The following DCDC1 variants were observed in gnomAD, a reference collection of about 807,000 sequenced individuals.
DCDC1 encodes the protein doublecortin domain-containing protein 1.
DCDC1 carries 200 observed loss-of-function variants against 178.3 expected under a neutral mutation model. That is an observed-to-expected ratio of 1.12 (90% CI 1.00 to 1.26). The LOEUF (loss-of-function observed/expected upper bound fraction) is 1.26. Ranked by LOEUF, DCDC1 falls within the 50% of genes most tolerant of loss-of-function variation. DCDC1 has a pLI of 0.00. For missense variants in DCDC1, 1,983 were observed against 1,749.2 expected (o/e 1.13, Z -2.38); for synonymous variants, 690 against 604.8 (o/e 1.14, Z -2.07).
chr11:31,148,292 A>G (rs1169494102), intron 9 of DCDC1, among the ~76,000 whole-genome samples: 1 of 151,604 alleles, frequency 6.6e-6, no homozygotes, highest in Non-Finnish European at 1.5e-5. Context: ...CACACTTGTA[A>G]TCCCAACAGT....
At chr11:31,079,397 T>C (rs1398704625) in intron 17 of DCDC1, among the ~76,000 whole-genome samples, 4 of 152,198 alleles carry the variant, frequency 2.6e-5, no homozygotes, top group Non-Finnish European at 4.4e-5. Context: ...TCCTTTATCA[T>C]ATCCTTCATA....
chr11:30,875,336 G>A (rs1050977728), intron 38 of DCDC1, among the ~76,000 whole-genome samples: 8 of 152,104 alleles, frequency 5.3e-5, no homozygotes. Flanking sequence ...AGGGGACACG[G>A]GGTTGAGATA....
intron 9 of DCDC1, among the ~76,000 whole-genome samples, chr11:31,163,551 CTACA>C (rs916397693): frequency 2.0e-5 from 3 of 152,046 alleles, no homozygotes; most frequent in Non-Finnish European, 2.9e-5. Context: ...TTCTGCAGAG[CTACA>C]TACTTATGAA....
chr11:31,017,781 A>C (rs528443573), intron 20 of DCDC1, among the ~76,000 whole-genome samples: 1 of 152,044 alleles, frequency 6.6e-6, no homozygotes, highest in East Asian at 1.9e-4. Flanking sequence ...TAGACATGAG[A>C]TCTTACTTAC....
chr11:31,255,830 A>G (rs568146473), intron 8 of DCDC1, among the ~76,000 whole-genome samples: 1 of 152,148 alleles, frequency 6.6e-6, no homozygotes, highest in Non-Finnish European at 1.5e-5. Context: ...AATTTAATGA[A>G]GTCCAATTTA....
chr11:31,063,676 C>G (rs1196114780), intron 20 of DCDC1, among the ~76,000 whole-genome samples: 4 of 151,898 alleles, frequency 2.6e-5, no homozygotes, highest in African/African-American at 9.7e-5. Context: ...GCCAGGAGTT[C>G]AAGAGCAGCC....
intron 1 of DCDC1, among the ~76,000 whole-genome samples, chr11:31,342,582 T>C (rs1950604582): frequency 6.6e-6 from 1 of 152,190 alleles, no homozygotes; most frequent in Admixed American, 6.5e-5. Context: ...GCCCTCTCTC[T>C]CCTCCTCCCT....
chr11:31,361,288 G>A (rs1161872087), intron 1 of DCDC1, among the ~76,000 whole-genome samples: 2 of 152,134 alleles, frequency 1.3e-5, no homozygotes, highest in Non-Finnish European at 2.9e-5. Flanking sequence ...AAGATGGCAT[G>A]CATCTGCAAG....
chr11:31,287,799 T>G (rs923357222), intron 7 of DCDC1, among the ~76,000 whole-genome samples: 1 of 150,998 alleles, frequency 6.6e-6, no homozygotes, highest in Non-Finnish European at 1.5e-5. Flanking sequence ...GGAAAAGAAA[T>G]CCAACAAAGG....
chr11:31,173,581 T>C lies in DCDC1; in HGVS notation c.1222-35797A>G, dbSNP rs193135519. Among the ~76,000 whole-genome samples the C allele has an allele frequency of 7.5e-3, 1,144 of 152,250 alleles. 20 individuals carry two copies. Among genetic ancestry groups the C allele is most frequent in the African/African-American group, 0.026 (1,074 of 41,546 alleles). On this transcript the variant is annotated intron_variant, in intron 9 of 38. Transcript: ENST00000684477. ...GAGAATGATAGACCACTAAAGTAGA[T>C]GGATAAAAGTAAACAAAAATTTAGG...
At chr11:30,926,244 C>A (rs1281635683) in intron 22 of DCDC1, among the ~76,000 whole-genome samples, 3 of 152,136 alleles carry the variant, frequency 2.0e-5, no homozygotes, top group Non-Finnish European at 4.4e-5. Flanking sequence ...CATCAAAAAG[C>A]GCTAGACTGG....
intron 9 of DCDC1, among the ~76,000 whole-genome samples, chr11:31,161,676 C>A (rs1223809390): frequency 6.6e-6 from 1 of 152,164 alleles, no homozygotes; most frequent in Non-Finnish European, 1.5e-5. Context: ...AATCGATATA[C>A]CACACTGGAT....
chr11:31,149,875 C>T (rs916048339), intron 9 of DCDC1, among the ~76,000 whole-genome samples: 3 of 152,186 alleles, frequency 2.0e-5, no homozygotes, highest in African/African-American at 7.2e-5. Flanking sequence ...GTAACACTTG[C>T]CGCAAGGGTC....
At chr11:31,120,405 T>C (rs912458527) in intron 11 of DCDC1, among the ~76,000 whole-genome samples, 1 of 152,150 alleles carries the variant, frequency 6.6e-6, no homozygotes, top group Non-Finnish European at 1.5e-5. Context: ...GAAGTTGTCA[T>C]AAAATACTTC....
intron 12 of DCDC1, among the ~76,000 whole-genome samples, chr11:31,109,971 T>C (rs945767945): frequency 1.3e-5 from 2 of 152,120 alleles, no homozygotes; most frequent in African/African-American, 4.8e-5. Flanking sequence ...TTTTTTTTAC[T>C]GTAAACAAGA....
At chr11:31,111,459 C>T (rs185714631) in intron 11 of DCDC1, among the ~76,000 whole-genome samples, 7 of 152,240 alleles carry the variant, frequency 4.6e-5, no homozygotes, top group African/African-American at 1.7e-4. Flanking sequence ...TTGCAGGTTT[C>T]ATTCCAGTCA....
chr11:30,925,470 A>C, intron 22 of DCDC1, 62 bp from the exon 23 acceptor site: 1 of 1,425,232 alleles, frequency 7.0e-7, no homozygotes, highest in Non-Finnish European at 9.8e-7. Flanking sequence ...CAAAGAGAGA[A>C]AATAAAAGAA....
In DCDC1 at chr11:31,090,682, A is replaced by G. The variant is rs1418511610; in HGVS notation, c.2237+711T>C. Among the ~76,000 whole-genome samples, 4 of 152,184 alleles carry G rather than the reference A, an allele frequency of 2.6e-5. No homozygotes were observed. The East Asian group carries it at 7.7e-4, about 29-fold the overall frequency. On this transcript the variant is annotated intron_variant, in intron 17 of 38. Coordinates refer to ENST00000684477, the MANE Select transcript of DCDC1 (RefSeq NM_001387274.1). ...AAGTTAGAGAAAACTTCCCTTCTGT[A>G]TTTATGGCTGGATCAACTTCTCTGA...
intron 17 of DCDC1, among the ~76,000 whole-genome samples, chr11:31,085,615 C>T (rs1039014473): frequency 2.0e-5 from 3 of 151,972 alleles, no homozygotes; most frequent in Non-Finnish European, 4.4e-5. Flanking sequence ...TATAGATTAT[C>T]TGTTCACCTA....
Sources: gnomAD v4.1 joint callset for allele counts (sites outside exome capture counted in the v4.1 genomes callset) on GRCh38, gnomAD v4.1.1 for gene constraint, MANE v1.5 for transcripts, NCBI Gene and HGNC (gene_info 2026-07-23, HGNC 2026-07-21) for gene names.